Variants in VWC2 observed in about 807,000 individuals in gnomAD.
The protein encoded by VWC2 is von Willebrand factor C domain containing 2.
In VWC2, 14 loss-of-function variants were observed where a neutral mutation model predicts 29.8. That is an observed-to-expected ratio of 0.47 (90% CI 0.31 to 0.74). The LOEUF is 0.74. Among genes scored for constraint, VWC2 ranks in the 30% least tolerant of loss-of-function variants. The pLI is 0.05. For missense variants in VWC2, 457 were observed against 459.8 expected (o/e 0.99, Z 0.05); for synonymous variants, 213 against 199.0 (o/e 1.07, Z -0.59).
At chr7:49,830,207 C>G (rs958072900) in intron 3 of VWC2, among the ~76,000 whole-genome samples, 1 of 152,078 alleles carries the variant, frequency 6.6e-6, no homozygotes, top group Admixed American at 6.5e-5. Flanking sequence ...AGGCATTATC[C>G]TTTTTGTCCT....
chr7:49,775,725 G>C lies in VWC2; in HGVS notation c.290G>C (p.Trp97Ser). 2 of 1,517,014 alleles carry C rather than the reference G, an allele frequency of 1.3e-6. No homozygotes were observed. The highest frequency in any genetic ancestry group is 1.8e-6 in the Non-Finnish European group (2 of 1,135,436). The allele number at this position is 1,517,014 out of a possible 1,614,324, so 94.0% of individuals were successfully genotyped here. ...REPWSKLKQA[W>S]VSQGGGAKAG... is the part of the protein sequence containing the mutation. ...CCGTGGAGCAAGCTGAAGCAGGCCT[G>C]GGTCTCCCAGGGCGGGGGCGCCAAG... is the stretch of plus-strand genomic sequence containing the variant. Residue 97 changes from tryptophan (W) to serine (S), a missense_variant, in exon 2 of 4, where the codon TGG becomes TCG. Coordinates refer to ENST00000340652, the MANE Select transcript of VWC2 (RefSeq NM_198570.5).
chr7:49,817,039 T>G (rs978451474), intron 3 of VWC2, among the ~76,000 whole-genome samples: 8 of 152,218 alleles, frequency 5.3e-5, no homozygotes, highest in Non-Finnish European at 7.3e-5. Context: ...CAAATTTTCT[T>G]TCAATCAACC....
chr7:49,811,540 G>T (rs893024853), intron 3 of VWC2, among the ~76,000 whole-genome samples: 4 of 152,214 alleles, frequency 2.6e-5, no homozygotes, highest in African/African-American at 9.6e-5. Context: ...ACACAGAACT[G>T]TGAGTCAATT....
At chr7:49,776,290 G>C (rs1292167899) in intron 2 of VWC2, among the ~76,000 whole-genome samples, 159 bp downstream of exon 2, 1 of 152,244 alleles carries the variant, frequency 6.6e-6, no homozygotes, top group Non-Finnish European at 1.5e-5. Flanking sequence ...CTCTTTTTCA[G>C]GGCAGAGGTA....
intron 3 of VWC2, among the ~76,000 whole-genome samples, chr7:49,904,978 C>T (rs185164456): frequency 5.3e-5 from 8 of 152,218 alleles, no homozygotes; most frequent in Non-Finnish European, 1.0e-4. Context: ...TCATAATCTA[C>T]CCACCTCAGC....
rs1431501464 is a variant in VWC2, at chr7:49,775,597, C to A, written c.162C>A (p.Asp54Glu). ...AGAAGCGTGAGCACGCCTCTCGGGA[C>A]GGCCCGGGGCGGGTGAACGAGCTCG... is the stretch of plus-strand genomic sequence containing the variant. ...GQEKREHASR[D>E]GPGRVNELGR... Residue 54 changes from aspartate to glutamate, a missense_variant, in exon 2 of 4, where the codon GAC (aspartate) becomes GAA (glutamate). Asp to Glu is a conservative substitution (Grantham distance 45). Coordinates refer to ENST00000340652, the MANE Select transcript of VWC2 (RefSeq NM_198570.5). 1 of 1,533,390 alleles carries A rather than the reference C, an allele frequency of 6.5e-7. No homozygotes were observed. Among genetic ancestry groups the A allele is most frequent in the Non-Finnish European group, 8.8e-7 (1 of 1,142,420 alleles). The allele number at this position is 1,533,390 out of a possible 1,614,324, so 95.0% of individuals were successfully genotyped here. A position where few individuals can be genotyped will look rare whatever the true frequency, so the allele number is the denominator to read the frequency against.
intron 3 of VWC2, among the ~76,000 whole-genome samples, chr7:49,892,169 C>T (rs1033995164): frequency 1.3e-5 from 2 of 149,908 alleles, no homozygotes; most frequent in African/African-American, 4.9e-5. Context: ...CTCAGCCTCC[C>T]GAGTAGCTGG....
intron 3 of VWC2, among the ~76,000 whole-genome samples, chr7:49,827,335 T>C (rs1789418580): frequency 1.1e-5 from 1 of 88,128 alleles, no homozygotes; most frequent in African/African-American, 4.1e-5. Context: ...TTAAGTGTTA[T>C]TGTATAGTGA....
chr7:49,788,498 T>A (rs144224563), intron 2 of VWC2, among the ~76,000 whole-genome samples: 7 of 150,460 alleles, frequency 4.7e-5, no homozygotes, highest in Admixed American at 2.0e-4. Context: ...TGTAAGACAG[T>A]GTGTATGAGT....
At chr7:49,784,787 A>G (rs1788256877) in intron 2 of VWC2, among the ~76,000 whole-genome samples, 1 of 152,224 alleles carries the variant, frequency 6.6e-6, no homozygotes, top group African/African-American at 2.4e-5. Context: ...ATCAACAGGT[A>G]TCTGATCTAA....
chr7:49,899,763 C>T (rs1016267680), intron 3 of VWC2, among the ~76,000 whole-genome samples: 6 of 151,794 alleles, frequency 4.0e-5, no homozygotes, highest in South Asian at 2.1e-4. Context: ...TGTATAGATT[C>T]GGGAAGCTGA....
chr7:49,779,111 C>T (rs1015025931), intron 2 of VWC2, among the ~76,000 whole-genome samples: 1 of 152,082 alleles, frequency 6.6e-6, no homozygotes, highest in African/African-American at 2.4e-5. Context: ...AGGCTTGACC[C>T]TCTTTGAGCA....
At chr7:49,849,903 A>C (rs1790108613) in intron 3 of VWC2, among the ~76,000 whole-genome samples, 1 of 152,186 alleles carries the variant, frequency 6.6e-6, no homozygotes, top group African/African-American at 2.4e-5. Context: ...GCACAGTACC[A>C]TAGCACAGGT....
chr7:49,829,603 C>T (rs1007977412), intron 3 of VWC2, among the ~76,000 whole-genome samples: 14 of 152,324 alleles, frequency 9.2e-5, no homozygotes, highest in South Asian at 2.1e-4. Flanking sequence ...TGGAGTCCAA[C>T]GCATCACGCC....
intron 3 of VWC2, among the ~76,000 whole-genome samples, chr7:49,803,050 G>C (rs1562711450): frequency 6.6e-6 from 1 of 152,196 alleles, no homozygotes; most frequent in African/African-American, 2.4e-5. Flanking sequence ...ATGTTTTATG[G>C]ATGTTAAGAA....
chr7:49,775,418 G>GGC lies in VWC2; in HGVS notation c.-18_-17insGC. ...GGCCGCGCTCCCCGCCCGCCCGCCCGCCGGGACGTGGTAGGGGATGCCCAG... is the reference window on the plus strand; with the variant it reads ...GGCCGCGCTCCCCGCCCGCCCGCCCGGCCCGGGACGTGGTAGGGGATGCCCAG... On this transcript the variant is annotated 5_prime_UTR_variant, in exon 2 of 4. The change abolishes the stop of an existing upstream ORF in the 5' untranslated region. Transcript: ENST00000340652. The GGC allele has an allele frequency of 2.3e-6, 2 of 864,506 alleles. No individual in the cohort carries two copies. The highest frequency in any genetic ancestry group is 3.1e-6 in the Non-Finnish European group (2 of 653,328). 53.6% of individuals were successfully genotyped at this position (864,506 alleles called of 1,614,324 possible).
intron 3 of VWC2, among the ~76,000 whole-genome samples, chr7:49,849,443 T>C (rs1420641839): frequency 2.0e-5 from 3 of 152,230 alleles, no homozygotes; most frequent in Non-Finnish European, 4.4e-5. Context: ...GGGAGCAGAC[T>C]GTCAGGAAGG....
rs752249132 is a variant in VWC2, at chr7:49,919,124, G to C, written c.*6939G>C. 6.6e-6 allele frequency: 1 copy of C among 152,046 alleles called. No homozygotes were observed. Among genetic ancestry groups the C allele is most frequent in the Non-Finnish European group, 1.5e-5 (1 of 68,042 alleles). 9.4% of individuals were successfully genotyped at this position (152,046 alleles called of 1,614,324 possible). A position where few individuals can be genotyped will look rare whatever the true frequency, so the allele number is the denominator to read the frequency against. ...TGGTTCCAAAGCTATCCTACATGGG[G>C]CACAGTCAGGACTGGAATGGATAGC... On this transcript the variant is annotated 3_prime_UTR_variant, in exon 4 of 4. Coordinates refer to ENST00000340652, the MANE Select transcript of VWC2 (RefSeq NM_198570.5).
intron 3 of VWC2, among the ~76,000 whole-genome samples, chr7:49,863,464 A>T (rs1052249047): frequency 6.6e-6 from 1 of 151,572 alleles, no homozygotes; most frequent in African/African-American, 2.4e-5. Flanking sequence ...ACAAGATCTC[A>T]CTCTGTCACA....
Sources: gnomAD v4.1 joint callset for allele counts (sites outside exome capture counted in the v4.1 genomes callset) on GRCh38, gnomAD v4.1.1 for gene constraint, MANE v1.5 for transcripts, NCBI Gene and HGNC (gene_info 2026-07-23, HGNC 2026-07-21) for gene names.